TTLL7: variants seen among roughly 807,000 people sequenced by gnomAD.
TTLL7 encodes tubulin tyrosine ligase like 7.
TTLL7 carries 53 observed loss-of-function variants against 120.2 expected under a neutral mutation model. That is an observed-to-expected ratio of 0.44 (90% CI 0.35 to 0.55). The LOEUF (loss-of-function observed/expected upper bound fraction) is 0.55, where lower values mean the gene tolerates loss of function less well. Among genes scored for constraint, TTLL7 ranks in the 20% least tolerant of loss-of-function variants. The pLI, the probability that TTLL7 is intolerant of heterozygous loss-of-function variation, is 0.00. For missense variants in TTLL7, 803 were observed against 1,054.7 expected (o/e 0.76, Z 3.31); for synonymous variants, 353 against 351.7 (o/e 1.00, Z -0.04).
intron 1 of TTLL7, among the ~76,000 whole-genome samples, chr1:83,990,566 A>G (rs996669590): frequency 6.6e-6 from 1 of 152,234 alleles, no homozygotes; most frequent in African/African-American, 2.4e-5. Flanking sequence ...TTGAATAGAA[A>G]GAGGATATAC....
Position 83,948,688 on chromosome 1 carries a change from T to C in TTLL7, c.287A>G (p.Asn96Ser), listed in dbSNP as rs749766470. Residue 96 changes from asparagine to serine, a missense_variant, in exon 5 of 21, where the codon AAC (asparagine) becomes AGC (serine). By Grantham distance (46) the Asn-to-Ser change is conservative. Coordinates refer to ENST00000260505, the MANE Select transcript of TTLL7 (RefSeq NM_024686.6). Reference protein sequence around the residue: ...ISELQNYQRINHFPGMGEICR... With the variant: ...ISELQNYQRISHFPGMGEICR... The stretch of plus-strand genomic sequence containing the variant: ...GATCTCCCCCATTCCTGGAAAATGG[T>C]TGATCCTCTGGAAAATAAAAAGGTA... 6.2e-7 allele frequency: 1 copy of C among 1,607,798 alleles called. No homozygotes were observed.
In TTLL7 at chr1:83,883,090, G is replaced by T. The variant is rs773303488; in HGVS notation, c.2416C>A (p.Pro806Thr). ...CGCTGGCAACACTGGAGCTGCAAAG[G>T]AGTCACCACCTCCGGGCTTTTATTG... ...IFNKSPEVVT[P>T]LQLQCCQRLV... The change falls in exon 20 of 21, where the codon CCT becomes ACT. Residue 806 changes from proline (P) to threonine (T), a missense_variant. Transcript: ENST00000260505. The T allele has an allele frequency of 6.2e-7, 1 of 1,611,642 alleles. No individual in the cohort carries two copies. Among genetic ancestry groups the T allele is most frequent in the Non-Finnish European group, 8.5e-7 (1 of 1,178,720 alleles).
intron 1 of TTLL7, among the ~76,000 whole-genome samples, chr1:83,988,845 A>G (rs927235614): frequency 2.6e-5 from 4 of 152,200 alleles, no homozygotes; most frequent in Admixed American, 2.6e-4. Context: ...AGTAGCTGGA[A>G]CTAGAGGCGT....
chr1:83,871,291 T>C (rs1653368879), intron 20 of TTLL7, among the ~76,000 whole-genome samples: 1 of 152,126 alleles, frequency 6.6e-6, no homozygotes, highest in Non-Finnish European at 1.5e-5. Context: ...AAATTAGACA[T>C]TGCAAGTGAA....
In TTLL7 at chr1:83,883,092, GTCAC is replaced by G; in HGVS notation, c.2410_2413del (p.Val804LeufsTer11). On this transcript the variant is annotated frameshift_variant, in exon 20 of 21. Coordinates refer to ENST00000260505, the MANE Select transcript of TTLL7 (RefSeq NM_024686.6). LOFTEE classifies it high-confidence loss of function. ...CTGGCAACACTGGAGCTGCAAAGGA[GTCAC>G]CACCTCCGGGCTTTTATTGAATATA... 1 of 1,611,546 alleles carries G rather than the reference GTCAC, an allele frequency of 6.2e-7. No individual in the cohort carries two copies. Among genetic ancestry groups the G allele is most frequent in the Non-Finnish European group, 8.5e-7 (1 of 1,178,652 alleles).
At chr1:83,897,687 T>C (rs955371040) in intron 18 of TTLL7, among the ~76,000 whole-genome samples, 4 of 151,920 alleles carry the variant, frequency 2.6e-5, no homozygotes, top group African/African-American at 7.2e-5. Context: ...CCAGTCTTTG[T>C]TCTGGGCTCC....
chr1:83,877,120 CAAGATTTTTA>C, intron 20 of TTLL7, among the ~76,000 whole-genome samples: 1 of 152,092 alleles, frequency 6.6e-6, no homozygotes, highest in South Asian at 2.1e-4. Flanking sequence ...TGAATTCTAT[CAAGATTTTTA>C]TCTCTATCTT....
intron 1 of TTLL7, among the ~76,000 whole-genome samples, chr1:83,964,969 A>G (rs1284315813): frequency 1.3e-5 from 2 of 152,100 alleles, no homozygotes; most frequent in Non-Finnish European, 2.9e-5. Flanking sequence ...CTAGAAAAAA[A>G]ATGTGCATTC....
chr1:83,892,710 A>ATATATGAGCGCATATG (rs1282361306), intron 18 of TTLL7, among the ~76,000 whole-genome samples: 2 of 149,768 alleles, frequency 1.3e-5, no homozygotes, highest in African/African-American at 4.9e-5. Context: ...ATATGAACAT[A>ATATATGAGCGCATATG]TGAACATATA....
At chr1:83,972,500 G>A (rs531301780) in intron 1 of TTLL7, among the ~76,000 whole-genome samples, 43 of 152,140 alleles carry the variant, frequency 2.8e-4, no homozygotes, top group East Asian at 1.9e-4. Flanking sequence ...ATCTGCTGAC[G>A]TACATCTTGG....
Position 83,883,075 on chromosome 1 carries a change from AC to A in TTLL7, c.2430del (p.Gln810HisfsTer6). The A allele has an allele frequency of 6.2e-7, 1 of 1,612,432 alleles. No individual in the cohort carries two copies. Among genetic ancestry groups the A allele is most frequent in the Non-Finnish European group, 8.5e-7 (1 of 1,179,082 alleles). On this transcript the variant is annotated frameshift_variant, in exon 20 of 21. Coordinates refer to ENST00000260505, the MANE Select transcript of TTLL7 (RefSeq NM_024686.6). LOFTEE classifies it high-confidence loss of function. ...SPEVVTPLQL[Q>X]CCQRLVELCK... is the part of the protein sequence containing the mutation. ...CAAAGCTCCACTAGGCGCTGGCAAC[AC>A]TGGAGCTGCAAAGGAGTCACCACCT...
At chr1:83,950,360 G>A (rs1339793512) in intron 3 of TTLL7, among the ~76,000 whole-genome samples, 1 of 152,052 alleles carries the variant, frequency 6.6e-6, no homozygotes, top group Admixed American at 6.5e-5. Flanking sequence ...AGGTACAAAA[G>A]ACCAAAAGTA....
intron 1 of TTLL7, among the ~76,000 whole-genome samples, chr1:83,986,689 A>T (rs1652481202): frequency 6.6e-6 from 1 of 152,192 alleles, no homozygotes; most frequent in Admixed American, 6.5e-5. Context: ...TAAAAACACA[A>T]AATTGGCCAG....
intron 6 of TTLL7, 80 bp downstream of exon 6, chr1:83,947,044 A>G: frequency 8.0e-6 from 9 of 1,127,742 alleles, no homozygotes; most frequent in South Asian, 5.2e-5. Context: ...GTACTCACGC[A>G]TGAGTAATTA....
intron 1 of TTLL7, among the ~76,000 whole-genome samples, chr1:83,954,133 G>C (rs146143478): frequency 1.8e-4 from 27 of 152,184 alleles, no homozygotes; most frequent in African/African-American, 5.1e-4. Flanking sequence ...TACAGTAACA[G>C]AATACTTATT....
chr1:83,974,284 G>A (rs1215346233), intron 1 of TTLL7, among the ~76,000 whole-genome samples: 1 of 151,882 alleles, frequency 6.6e-6, no homozygotes, highest in Non-Finnish European at 1.5e-5. Context: ...TGCCATTATA[G>A]AAGCTGTCAT....
chr1:83,998,881 G>T lies in TTLL7; in HGVS notation c.-177+50C>A, dbSNP rs770828384. Reference sequence around the variant, plus strand: ...GGGCCAGGGCGGAGCCTTTGGGGACGTGGGGACATGGAAGGGGGTCGGGGG... The same window carrying T: ...GGGCCAGGGCGGAGCCTTTGGGGACTTGGGGACATGGAAGGGGGTCGGGGG... On this transcript the variant is annotated intron_variant, in intron 1 of 20. Transcript: ENST00000260505. 176 of 360,266 alleles carry T rather than the reference G, an allele frequency of 4.9e-4. 2 individuals are homozygous for T. Among genetic ancestry groups the T allele is most frequent in the African/African-American group, 3.8e-3 (170 of 45,276 alleles). The allele number at this position is 360,266 out of a possible 1,614,324, so 22.3% of individuals were successfully genotyped here.
intron 1 of TTLL7, among the ~76,000 whole-genome samples, chr1:83,987,551 T>C (rs1025729806): frequency 2.6e-5 from 4 of 152,158 alleles, no homozygotes; most frequent in East Asian, 1.9e-4. Flanking sequence ...CATCATTACA[T>C]AGTCTCAAGA....
At chr1:83,960,676 C>A (rs1009437623) in intron 1 of TTLL7, among the ~76,000 whole-genome samples, 1 of 152,094 alleles carries the variant, frequency 6.6e-6, no homozygotes, top group Non-Finnish European at 1.5e-5. Context: ...GAATCCTCTA[C>A]TTTTATAGGT....
Sources: gnomAD v4.1 joint callset for allele counts (sites outside exome capture counted in the v4.1 genomes callset) on GRCh38, gnomAD v4.1.1 for gene constraint, MANE v1.5 for transcripts, NCBI Gene and HGNC (gene_info 2026-07-23, HGNC 2026-07-21) for gene names.